FUT1: variants seen among roughly 807,000 people sequenced by gnomAD.
FUT1 encodes fucosyltransferase 1 (H blood group), also known as galactoside alpha-(1,2)-fucosyltransferase 1.
For missense variants in FUT1, 476 were observed against 492.7 expected (o/e 0.97, Z 0.32); for synonymous variants, 215 against 208.7 (o/e 1.03, Z -0.26).
upstream of FUT1, chr19:48,752,769 C>T: frequency 1.0e-6 from 1 of 985,370 alleles, no homozygotes; most frequent in Non-Finnish European, 1.2e-6. The surrounding 1 kb of genome is among the most constrained non-coding windows in gnomAD (Gnocchi z 4.3). Flanking sequence ...CGAGCCCCAG[C>T]GCCAGGGGCT....
upstream of FUT1, among the ~76,000 whole-genome samples, chr19:48,755,024 G>A (rs915693651): frequency 4.0e-5 from 6 of 149,470 alleles, no homozygotes; most frequent in African/African-American, 7.4e-5. Flanking sequence ...TCAGACCCAG[G>A]AGTCCAGGAC....
Position 48,751,089 on chromosome 19 carries a change from T to C in FUT1, c.193A>G (p.Asn65Asp). Residue 65 changes from asparagine (N) to aspartate (D), a missense_variant, in exon 2 of 2, where the codon AAC becomes GAC. Coordinates refer to ENST00000645652, the MANE Select transcript of FUT1 (RefSeq NM_001384359.1). Reference sequence around the variant, plus strand: ...TGCTGGGGACAGGAAGAGGAGGCGTTGGGGCCCATCGCAGTACCCGGCAGG... The same window carrying C: ...TGCTGGGGACAGGAAGAGGAGGCGTCGGGGCCCATCGCAGTACCCGGCAGG... ...FCLPGTAMGP[N>D]ASSSCPQHPA... 1.2e-6 allele frequency: 2 copies of C among 1,611,730 alleles called. No homozygotes were observed. Among genetic ancestry groups the C allele is most frequent in the Non-Finnish European group, 1.7e-6 (2 of 1,178,226 alleles).
rs368110080 is a variant in FUT1, at chr19:48,751,289, G to A, written c.-2-6C>T. The A allele has an allele frequency of 6.2e-7, 1 of 1,613,772 alleles. No homozygotes were observed. The highest frequency in any genetic ancestry group is 8.5e-7 in the Non-Finnish European group (1 of 1,179,912). ...ATGGCTCCGGAGCCACATGGCTGCA[G>A]GGGAGGAAAGGCGAATTAGCAAATG... On this transcript the variant is annotated splice_polypyrimidine_tract_variant and splice_region_variant and intron_variant, in intron 1 of 1. Coordinates refer to ENST00000645652, the MANE Select transcript of FUT1 (RefSeq NM_001384359.1).
In FUT1 at chr19:48,751,242, G is replaced by A. The variant is rs1214847001; in HGVS notation, c.40C>T (p.Leu14=). The change falls in exon 2 of 2, where the codon CTG becomes TTG. Residue 14 remains leucine, a synonymous_variant. Transcript: ENST00000645652. ...RSHRQLCLAF[L]LVCVLSVIFF... ...ATTACAGAGAGGACACAGACTAGCA[G>A]GAAGGCCAGGCAGAGCTGACGATGG... is the stretch of plus-strand genomic sequence containing the variant. The A allele has an allele frequency of 6.2e-7, 1 of 1,614,168 alleles. No individual in the cohort carries two copies. The highest frequency in any genetic ancestry group is 8.5e-7 in the Non-Finnish European group (1 of 1,180,026).
chr19:48,754,566 A>G (rs1016079269), upstream of FUT1, among the ~76,000 whole-genome samples: 5 of 152,032 alleles, frequency 3.3e-5, no homozygotes, highest in Non-Finnish European at 5.9e-5. Context: ...CTGACCCTAT[A>G]CCCACCGGTT....
At position 48,751,258 on chromosome 19, in the gene FUT1, C is replaced by G; in HGVS notation, c.24G>C (p.Gln8His). Reference protein sequence around the residue: MWLRSHRQLCLAFLLVCV... With the variant: MWLRSHRHLCLAFLLVCV... ...AGACTAGCAGGAAGGCCAGGCAGAGCTGACGATGGCTCCGGAGCCACATGG... is the reference window on the plus strand; with the variant it reads ...AGACTAGCAGGAAGGCCAGGCAGAGGTGACGATGGCTCCGGAGCCACATGG... Residue 8 changes from glutamine to histidine, a missense_variant, in exon 2 of 2, where the codon CAG (glutamine) becomes CAC (histidine). Transcript: ENST00000645652. 2 of 1,613,570 alleles carry G rather than the reference C, an allele frequency of 1.2e-6. No homozygotes were observed.
intron 1 of FUT1, among the ~76,000 whole-genome samples, chr19:48,751,902 G>A (rs1185600665): frequency 1.3e-5 from 2 of 151,686 alleles, no homozygotes; most frequent in African/African-American, 4.9e-5. Flanking sequence ...GGTGAGCTGA[G>A]ATCATGCCAT....
At chr19:48,751,865 C>T (rs576002114) in intron 1 of FUT1, among the ~76,000 whole-genome samples, 10 of 152,134 alleles carry the variant, frequency 6.6e-5, no homozygotes, top group Admixed American at 2.0e-4. Flanking sequence ...GCAGGAGAAT[C>T]GCCTGAACCC....
Sources: allele counts gnomAD v4.1 joint callset (sites outside exome capture counted in the v4.1 genomes callset), GRCh38; gene constraint gnomAD v4.1.1; non-coding constraint Gnocchi (gnomAD v3.1); transcripts MANE v1.5; gene names NCBI Gene and HGNC (gene_info 2026-07-23, HGNC 2026-07-21).